ODAD2: variants seen among roughly 807,000 people sequenced by gnomAD.
The protein encoded by ODAD2 is outer dynein arm docking complex subunit 2.
A neutral mutation model predicts 106.8 loss-of-function variants in ODAD2; 89 were observed. The ratio of observed to expected loss-of-function variants is 0.83; its 90% CI spans 0.70 to 0.99. The LOEUF (loss-of-function observed/expected upper bound fraction) is 0.99, where lower values mean the gene tolerates loss of function less well. ODAD2 is among the 50% of genes least tolerant of loss of function. The probability of loss-of-function intolerance (pLI) is 0.00; values close to 1 mark genes in which losing one functional copy is unlikely to be tolerated. For synonymous variants in ODAD2, 404 were observed against 436.2 expected, an observed-to-expected ratio of 0.93 and a Z score of 0.92; for missense variants, 1,168 against 1,238.5, an observed-to-expected ratio of 0.94 and a Z score of 0.85.
At chr10:27,919,573 A>G (rs1285157941) in intron 16 of ODAD2, among the ~76,000 whole-genome samples, 1 of 152,198 alleles carries the variant, frequency 6.6e-6, no homozygotes, top group Non-Finnish European at 1.5e-5. Flanking sequence ...ACCATTAGTT[A>G]TCAGAAAAAT....
At chr10:27,818,759 T>C (rs1402397140) in intron 19 of ODAD2, among the ~76,000 whole-genome samples, 2 of 152,190 alleles carry the variant, frequency 1.3e-5, no homozygotes, top group Admixed American at 6.5e-5. Flanking sequence ...TCCCCGCTCA[T>C]AGTTCTGGTC....
chr10:27,873,746 T>C (rs1033806850), intron 17 of ODAD2, among the ~76,000 whole-genome samples: 1 of 152,224 alleles, frequency 6.6e-6, no homozygotes, highest in Non-Finnish European at 1.5e-5. Context: ...TCTGTTCTTT[T>C]ACATTTGCTG....
chr10:27,812,527 C>T lies in ODAD2; in HGVS notation c.3120G>A (p.Lys1040=), dbSNP rs1453730911. The T allele has an allele frequency of 6.2e-7, 1 of 1,612,950 alleles. No individual in the cohort carries two copies. Among genetic ancestry groups the T allele is most frequent in the Non-Finnish European group, 8.5e-7 (1 of 1,179,748 alleles). ...CATTTAAATTTCAAGTGTATCTTGC[C>T]TTCTCTGTAGCAAGAGCCAGCCTGC... ...NIRRLALATE[K]ARYT Residue 1040 remains lysine (K), a synonymous_variant, in exon 20 of 20, where the codon AAG becomes AAA. Coordinates refer to ENST00000305242, the MANE Select transcript of ODAD2 (RefSeq NM_018076.5).
intron 19 of ODAD2, among the ~76,000 whole-genome samples, chr10:27,854,478 G>A (rs937311610): frequency 2.0e-5 from 3 of 152,140 alleles, no homozygotes; most frequent in African/African-American, 7.2e-5. Context: ...AAAGGAGGTT[G>A]GGCACAGTGG....
intron 16 of ODAD2, among the ~76,000 whole-genome samples, chr10:27,924,450 A>G (rs957809520): frequency 7.3e-5 from 11 of 151,018 alleles, no homozygotes; most frequent in African/African-American, 2.7e-4. Flanking sequence ...AATAATTAGA[A>G]AAATAGCTAC....
chr10:27,916,565 C>T (rs1182833136), intron 16 of ODAD2, among the ~76,000 whole-genome samples: 4 of 152,088 alleles, frequency 2.6e-5, no homozygotes, highest in African/African-American at 7.2e-5. Context: ...GCAAGGCCAA[C>T]GCCTCTTCTT....
chr10:27,894,125 A>G (rs933272537), intron 17 of ODAD2, among the ~76,000 whole-genome samples: 2 of 152,218 alleles, frequency 1.3e-5, no homozygotes, highest in Non-Finnish European at 2.9e-5. Flanking sequence ...CTGGGCCAAG[A>G]GTGAGACACC....
At chr10:27,895,401 C>A (rs531809496) in intron 17 of ODAD2, among the ~76,000 whole-genome samples, 1 of 152,332 alleles carries the variant, frequency 6.6e-6, no homozygotes, top group South Asian at 2.1e-4. Flanking sequence ...TCAAATGATT[C>A]TTGTGCCTCC....
intron 14 of ODAD2, among the ~76,000 whole-genome samples, chr10:27,937,344 T>A (rs573955350): frequency 5.3e-5 from 8 of 149,914 alleles, no homozygotes; most frequent in African/African-American, 1.7e-4. Context: ...TTTTTCTTTT[T>A]TTTTTTTTTT....
At chr10:27,972,715 C>T (rs1260067727) in intron 7 of ODAD2, among the ~76,000 whole-genome samples, 1 of 152,090 alleles carries the variant, frequency 6.6e-6, no homozygotes, top group Non-Finnish European at 1.5e-5. Flanking sequence ...TCAATTAGCA[C>T]ACAATCGTAA....
intron 17 of ODAD2, among the ~76,000 whole-genome samples, chr10:27,884,588 G>A (rs1841949962): frequency 6.6e-6 from 1 of 152,104 alleles, no homozygotes; most frequent in Non-Finnish European, 1.5e-5. Context: ...CTGACTCAGA[G>A]CTCAGACAGA....
intron 17 of ODAD2, among the ~76,000 whole-genome samples, chr10:27,867,711 A>G (rs1322790195): frequency 1.3e-5 from 2 of 152,204 alleles, no homozygotes; most frequent in Non-Finnish European, 2.9e-5. Flanking sequence ...GCACTTTGGA[A>G]GGCTGAGGCA....
chr10:27,870,760 G>A (rs1280611488), intron 17 of ODAD2, among the ~76,000 whole-genome samples: 1 of 152,144 alleles, frequency 6.6e-6, no homozygotes, highest in Non-Finnish European at 1.5e-5. Flanking sequence ...ATCATTGATG[G>A]ACATTTGGGT....
At chr10:27,812,716 G>T in intron 19 of ODAD2, 91 bp from the exon 20 acceptor site, 1 of 1,431,868 alleles carries the variant, frequency 7.0e-7, no homozygotes, top group Non-Finnish European at 9.1e-7. Context: ...ATTTTCAATA[G>T]TAAATTTTTT....
chr10:27,927,623 A>T (rs1176104699), intron 16 of ODAD2, among the ~76,000 whole-genome samples: 1 of 152,182 alleles, frequency 6.6e-6, no homozygotes, highest in Non-Finnish European at 1.5e-5. Flanking sequence ...TGTTGCACAA[A>T]AAAGGGAAGT....
At chr10:27,860,341 T>C (rs1839950762) in intron 19 of ODAD2, among the ~76,000 whole-genome samples, 1 of 152,004 alleles carries the variant, frequency 6.6e-6, no homozygotes, top group African/African-American at 2.4e-5. Flanking sequence ...TAGTCCTGGC[T>C]ACTTGGGAGG....
rs145155399 is a variant in ODAD2, at chr10:27,860,784, C to G, written c.2862G>C (p.Arg954Ser). 8 of 1,614,162 alleles carry G rather than the reference C, an allele frequency of 5.0e-6. No individual in the cohort carries two copies. In the East Asian group the frequency reaches 1.8e-4, roughly 36 times the overall value. Residue 954 changes from arginine to serine, a missense_variant, in exon 19 of 20, where the codon AGG (arginine) becomes AGC (serine). This residue lies in a region of ODAD2 where 701 missense variants were observed against 712.3 expected (regional missense o/e 0.98). Coordinates refer to ENST00000305242, the MANE Select transcript of ODAD2 (RefSeq NM_018076.5). ...EAISRCCMWG[R>S]NRVAFGEHKA... The stretch of plus-strand genomic sequence containing the variant: ...TGTGCTCACCGAAGGCCACTCTATT[C>G]CTGCCCCACATACAGCAACGTGAAA...
chr10:27,851,503 T>G (rs1839259733), intron 19 of ODAD2, among the ~76,000 whole-genome samples: 1 of 151,346 alleles, frequency 6.6e-6, no homozygotes. Flanking sequence ...ACGAAAGATG[T>G]GAAAGGAGAT....
At chr10:27,901,575 G>A (rs1446190925) in intron 17 of ODAD2, among the ~76,000 whole-genome samples, 5 of 152,070 alleles carry the variant, frequency 3.3e-5, no homozygotes, top group South Asian at 2.1e-4. Context: ...CCCATCTTAC[G>A]TGCAAAGACA....
Sources: gnomAD v4.1 joint callset for allele counts (sites outside exome capture counted in the v4.1 genomes callset) on GRCh38, gnomAD v4.1.1 for gene constraint, gnomAD v4.1.1 regional missense constraint, MANE v1.5 for transcripts, NCBI Gene and HGNC (gene_info 2026-07-23, HGNC 2026-07-21) for gene names.